The following AFG2A variants were observed in gnomAD, a reference collection of about 807,000 sequenced individuals.
AFG2A encodes AAA ATPase AFG2A.
At chr4:123,248,479 AGTTAGC>A in the AFG2A span, among the ~76,000 whole-genome samples, 3 of 152,236 alleles carry the variant, frequency 2.0e-5, no homozygotes, top group Non-Finnish European at 4.4e-5. Context: ...CATTTTCAAA[AGTTAGC>A]TTTGTACATC....
At chr4:123,053,701 C>T in the AFG2A span, among the ~76,000 whole-genome samples, 1 of 152,074 alleles carries the variant, frequency 6.6e-6, no homozygotes, top group East Asian at 1.9e-4. Context: ...TCCCAGACTG[C>T]AGCAGGAGGG....
the AFG2A span, among the ~76,000 whole-genome samples, chr4:122,948,022 T>TA: frequency 7.9e-5 from 12 of 152,206 alleles, no homozygotes; most frequent in South Asian, 2.5e-3. Flanking sequence ...ATAATGCATA[T>TA]AAAAAATATG....
the AFG2A span, among the ~76,000 whole-genome samples, chr4:123,237,102 G>A: frequency 3.3e-5 from 5 of 152,148 alleles, no homozygotes; most frequent in Admixed American, 2.0e-4. Context: ...AAGGCCAGAT[G>A]GTAAATATTT....
chr4:123,136,985 G>A, the AFG2A span, among the ~76,000 whole-genome samples: 4 of 152,288 alleles, frequency 2.6e-5, no homozygotes, highest in South Asian at 2.1e-4. Flanking sequence ...GGTGTGGGGC[G>A]GGGGTTGGTT....
chr4:123,197,275 A>T, the AFG2A span, among the ~76,000 whole-genome samples: 1 of 152,208 alleles, frequency 6.6e-6, no homozygotes, highest in African/African-American at 2.4e-5. Flanking sequence ...GTTTATTATA[A>T]TTTTATATTT....
the AFG2A span, among the ~76,000 whole-genome samples, chr4:123,060,500 G>T: frequency 3.9e-5 from 6 of 152,214 alleles, no homozygotes; most frequent in Non-Finnish European, 5.9e-5. Context: ...TGTGGAAGCT[G>T]CCAAGGCTTG....
At chr4:123,136,372 A>G in the AFG2A span, among the ~76,000 whole-genome samples, 1 of 152,020 alleles carries the variant, frequency 6.6e-6, no homozygotes, top group African/African-American at 2.4e-5. Context: ...GGTCTCTACT[A>G]AAAATACAAA....
the AFG2A span, among the ~76,000 whole-genome samples, chr4:123,202,059 TA>T: frequency 6.6e-6 from 1 of 152,188 alleles, no homozygotes; most frequent in African/African-American, 2.4e-5. Flanking sequence ...AGAAGCAATA[TA>T]AACTAGTAAT....
the AFG2A span, among the ~76,000 whole-genome samples, chr4:123,137,669 GT>G: frequency 6.6e-6 from 1 of 152,076 alleles, no homozygotes; most frequent in African/African-American, 2.4e-5. Context: ...TTAAAGTTGT[GT>G]TTATACCATT....
At chr4:123,167,223 T>G in the AFG2A span, among the ~76,000 whole-genome samples, 1 of 148,616 alleles carries the variant, frequency 6.7e-6, no homozygotes, top group South Asian at 2.1e-4. Flanking sequence ...ATATATATAC[T>G]TACATATAGA....
At chr4:122,982,109 A>G in the AFG2A span, among the ~76,000 whole-genome samples, 4 of 152,076 alleles carry the variant, frequency 2.6e-5, no homozygotes, top group Admixed American at 6.6e-5. Context: ...TTAGCTTTTC[A>G]TTGTTGGGTA....
At chr4:122,994,783 A>G in the AFG2A span, among the ~76,000 whole-genome samples, 5 of 152,296 alleles carry the variant, frequency 3.3e-5, no homozygotes, top group South Asian at 2.1e-4. Flanking sequence ...ACTCCGATCC[A>G]GGTTAAACTT....
the AFG2A span, among the ~76,000 whole-genome samples, chr4:123,276,962 G>A: frequency 6.6e-6 from 1 of 151,966 alleles, no homozygotes; most frequent in African/African-American, 2.4e-5. Flanking sequence ...TTGGCTATTT[G>A]GGCTCTTTTT....
the AFG2A span, among the ~76,000 whole-genome samples, chr4:122,952,944 T>G: frequency 1.3e-5 from 2 of 152,178 alleles, no homozygotes; most frequent in African/African-American, 2.4e-5. Flanking sequence ...ACTGCCTTAC[T>G]TAATTCCCAG....
At chr4:123,023,002 A>C in the AFG2A span, among the ~76,000 whole-genome samples, 1 of 134,152 alleles carries the variant, frequency 7.5e-6, no homozygotes, top group Non-Finnish European at 1.5e-5. Context: ...ACATGGACAC[A>C]GGAAGGGGAA....
At chr4:123,181,186 G>C in the AFG2A span, among the ~76,000 whole-genome samples, 1 of 151,778 alleles carries the variant, frequency 6.6e-6, no homozygotes, top group African/African-American at 2.4e-5. Flanking sequence ...GGGTTTCACT[G>C]TGTTAGCCAG....
At chr4:123,255,537 G>A in the AFG2A span, among the ~76,000 whole-genome samples, 687 of 151,444 alleles carry the variant, frequency 4.5e-3, 7 homozygotes, top group African/African-American at 0.016. Flanking sequence ...GATTATAGGC[G>A]TGAGCCACCA....
the AFG2A span, among the ~76,000 whole-genome samples, chr4:123,136,842 CA>C: frequency 0.14 from 15,708 of 110,332 alleles, 1,855 homozygotes; most frequent in African/African-American, 0.36. Context: ...AACTCCATCT[CA>C]AAAAAAAAAA....
the AFG2A span, among the ~76,000 whole-genome samples, chr4:123,012,522 G>A: frequency 2.0e-5 from 3 of 152,160 alleles, no homozygotes; most frequent in Admixed American, 6.5e-5. Context: ...ACCAAGGCAG[G>A]CGTCCCTGCG....
Sources: allele counts gnomAD v4.1 joint callset (sites outside exome capture counted in the v4.1 genomes callset), GRCh38; gene constraint gnomAD v4.1.1; transcripts MANE v1.5; gene names NCBI Gene and HGNC (gene_info 2026-07-23, HGNC 2026-07-21).